ZNF546: variants seen among roughly 807,000 people sequenced by gnomAD.
The protein encoded by ZNF546 is CTC-471F3.6.
A neutral mutation model predicts 76.2 loss-of-function variants in ZNF546; 60 were observed. That is an observed-to-expected ratio of 0.79 (90% CI 0.64 to 0.98). ZNF546 has a LOEUF of 0.98. ZNF546 is among the 50% of genes least tolerant of loss of function. The probability of loss-of-function intolerance (pLI) is 0.00; values close to 1 mark genes in which losing one functional copy is unlikely to be tolerated. For synonymous variants in ZNF546, 277 were observed against 328.1 expected (o/e 0.84, Z 1.68); for missense variants, 936 against 1,035.6 (o/e 0.90, Z 1.32).
Position 40,014,135 on chromosome 19 carries a change from A to G in ZNF546, c.865A>G (p.Thr289Ala). ...GKAFRLHYHLTEHQRIHSGVK... is the reference protein window; with the variant it reads ...GKAFRLHYHLAEHQRIHSGVK... ...GGCCTTTAGACTTCATTATCACCTT[A>G]CTGAACATCAGAGAATACATTCTGG... The change falls in exon 7 of 7, where the codon ACT (threonine) becomes GCT (alanine). Residue 289 changes from threonine (T) to alanine (A), a missense_variant. Coordinates refer to ENST00000347077, the MANE Select transcript of ZNF546 (RefSeq NM_178544.5). 6.2e-7 allele frequency: 1 copy of G among 1,613,544 alleles called. No homozygotes were observed. Among genetic ancestry groups the G allele is most frequent in the Non-Finnish European group, 8.5e-7 (1 of 1,179,824 alleles).
chr19:40,004,881 A>G (rs1275589473), intron 3 of ZNF546, among the ~76,000 whole-genome samples: 1 of 152,048 alleles, frequency 6.6e-6, no homozygotes, highest in Non-Finnish European at 1.5e-5. Context: ...TGTTTCATAG[A>G]TGATCTGTAA....
In ZNF546 at chr19:39,998,427, C is replaced by T; in HGVS notation, c.84+17C>T. On this transcript the variant is annotated intron_variant, in intron 3 of 6. Coordinates refer to ENST00000347077, the MANE Select transcript of ZNF546 (RefSeq NM_178544.5). ...TCTATAATGGTAGAGAAATGCATAT[C>T]CTGGAGTCTAAAGTTAAAACTTTGT... is the stretch of plus-strand genomic sequence containing the variant. The T allele has an allele frequency of 6.3e-7, 1 of 1,597,292 alleles. No individual in the cohort carries two copies. The highest frequency in any genetic ancestry group is 1.7e-4 in the Middle Eastern group (1 of 6,044).
intron 3 of ZNF546, among the ~76,000 whole-genome samples, chr19:40,001,427 A>C (rs948779327): frequency 6.6e-6 from 1 of 151,442 alleles, no homozygotes; most frequent in African/African-American, 2.4e-5. Flanking sequence ...CTGTGGCTCA[A>C]TCTCAGCTCA....
Position 40,018,247 on chromosome 19 carries a change from G to A in ZNF546, c.*2466G>A, listed in dbSNP as rs977832223. The A allele has an allele frequency of 2.0e-5, 3 of 152,146 alleles. No individual in the cohort carries two copies. Among genetic ancestry groups the A allele is most frequent in the African/African-American group, 7.2e-5 (3 of 41,418 alleles). The allele number at this position is 152,146 out of a possible 1,614,324, so 9.4% of individuals were successfully genotyped here. A position where few individuals can be genotyped will look rare whatever the true frequency, so the allele number is the denominator to read the frequency against. ...AGCCTCCCAAAGTGCTGGGATTACA[G>A]GCATGAGCCACCGCACCCGGCCTTC... On this transcript the variant is annotated 3_prime_UTR_variant, in exon 7 of 7. Transcript: ENST00000347077.
Position 40,018,645 on chromosome 19 carries a change from A to G in ZNF546, c.*2864A>G, listed in dbSNP as rs542250458. 1.3e-5 allele frequency: 2 copies of G among 152,334 alleles called. No individual in the cohort carries two copies. Among genetic ancestry groups the G allele is most frequent in the South Asian group, 2.1e-4 (1 of 4,830 alleles). 9.4% of individuals were successfully genotyped at this position (152,334 alleles called of 1,614,324 possible). A position where few individuals can be genotyped will look rare whatever the true frequency, so the allele number is the denominator to read the frequency against. On this transcript the variant is annotated 3_prime_UTR_variant, in exon 7 of 7. Transcript: ENST00000347077. The stretch of plus-strand genomic sequence containing the variant: ...GAATAACACTGTGATTTCCACGACT[A>G]AGTCATAAAAGGCAATACAGCTTCT...
chr19:40,008,753 T>C (rs1668155984), intron 6 of ZNF546, among the ~76,000 whole-genome samples, 188 bp downstream of exon 6: 1 of 152,212 alleles, frequency 6.6e-6, no homozygotes, highest in African/African-American at 2.4e-5. Flanking sequence ...TTTACCCAAT[T>C]TGCCATACTC....
intron 6 of ZNF546, among the ~76,000 whole-genome samples, chr19:40,013,290 T>C (rs1568387665): frequency 6.6e-6 from 1 of 152,242 alleles, no homozygotes; most frequent in Non-Finnish European, 1.5e-5. Flanking sequence ...TTCCATTTTT[T>C]TAATGGTTGA....
chr19:40,004,327 G>T (rs1971574858), intron 3 of ZNF546, among the ~76,000 whole-genome samples: 1 of 151,734 alleles, frequency 6.6e-6, no homozygotes, highest in African/African-American at 2.4e-5. Context: ...GACTACAGTG[G>T]CACAGTCTCG....
chr19:40,000,741 A>G (rs1971519372), intron 3 of ZNF546, among the ~76,000 whole-genome samples: 2 of 152,070 alleles, frequency 1.3e-5, no homozygotes, highest in South Asian at 2.1e-4. Flanking sequence ...AAAATTATCT[A>G]TTGAATGCCT....
Position 40,013,981 on chromosome 19 carries a change from A to C in ZNF546, c.711A>C (p.Arg237Ser). The C allele has an allele frequency of 1.2e-6, 2 of 1,613,038 alleles. No individual in the cohort carries two copies. The highest frequency in any genetic ancestry group is 1.7e-6 in the Non-Finnish European group (2 of 1,179,372). Reference protein sequence around the residue: ...RQQSYLIQHLRIHTGERPYKC... With the variant: ...RQQSYLIQHLSIHTGERPYKC... ...AGTCATACCTTATTCAACATCTGAG[A>C]ATTCACACTGGTGAGAGACCCTATA... Residue 237 changes from arginine (R) to serine (S), a missense_variant, in exon 7 of 7, where the codon AGA (arginine) becomes AGC (serine). Coordinates refer to ENST00000347077, the MANE Select transcript of ZNF546 (RefSeq NM_178544.5).
chr19:40,019,393 A>C lies in ZNF546; in HGVS notation c.*3612A>C, dbSNP rs946449358. ...AAGAAACTAAGGGAAAAATAAGTCAATATAAGAAAGAAGGGAGGATCATTA... is the reference window on the plus strand; with the variant it reads ...AAGAAACTAAGGGAAAAATAAGTCACTATAAGAAAGAAGGGAGGATCATTA... On this transcript the variant is annotated 3_prime_UTR_variant, in exon 7 of 7. Coordinates refer to ENST00000347077, the MANE Select transcript of ZNF546 (RefSeq NM_178544.5). 5.3e-5 allele frequency: 8 copies of C among 152,224 alleles called. No homozygotes were observed. Among genetic ancestry groups the C allele is most frequent in the African/African-American group, 1.7e-4 (7 of 41,456 alleles). 9.4% of individuals were successfully genotyped at this position (152,224 alleles called of 1,614,324 possible).
chr19:39,997,062 T>C lies in ZNF546; in HGVS notation c.-230T>C, dbSNP rs975209450. 3 of 152,272 alleles carry C rather than the reference T, an allele frequency of 2.0e-5. No homozygotes were observed. Among genetic ancestry groups the C allele is most frequent in the South Asian group, 2.1e-4 (1 of 4,834 alleles). 9.4% of individuals were successfully genotyped at this position (152,272 alleles called of 1,614,324 possible). A position where few individuals can be genotyped will look rare whatever the true frequency, so the allele number is the denominator to read the frequency against. ...CATTTCCCAGAAGCCCCTTGGGCAG[T>C]GTTGCCTGGACCCCAAGGGCCCTTT... is the stretch of plus-strand genomic sequence containing the variant. On this transcript the variant is annotated 5_prime_UTR_variant, in exon 1 of 7. Coordinates refer to ENST00000347077, the MANE Select transcript of ZNF546 (RefSeq NM_178544.5).
chr19:40,005,621 T>C (rs998870251), intron 3 of ZNF546, among the ~76,000 whole-genome samples: 1 of 152,068 alleles, frequency 6.6e-6, no homozygotes, highest in African/African-American at 2.4e-5. Context: ...TGCTCATGCT[T>C]AAGTTTCATT....
rs1971771755 is a variant in ZNF546, at chr19:40,016,567, C to A, written c.*786C>A. 1 of 152,042 alleles carries A rather than the reference C, an allele frequency of 6.6e-6. No individual in the cohort carries two copies. Among genetic ancestry groups the A allele is most frequent in the Non-Finnish European group, 1.5e-5 (1 of 67,984 alleles). The allele number at this position is 152,042 out of a possible 1,614,324, so 9.4% of individuals were successfully genotyped here. On this transcript the variant is annotated 3_prime_UTR_variant, in exon 7 of 7. Transcript: ENST00000347077. ...TACCAGAAAAATGAAAAGAAAAAAACAGACATACAAAATAAAAGCCCCAGT... is the reference window on the plus strand; with the variant it reads ...TACCAGAAAAATGAAAAGAAAAAAAAAGACATACAAAATAAAAGCCCCAGT...
chr19:40,006,306 C>CTGAT, intron 4 of ZNF546, 124 bp downstream of exon 4: 4 of 676,752 alleles, frequency 5.9e-6, no homozygotes, highest in Admixed American at 2.9e-5. Flanking sequence ...CCTAGTTACT[C>CTGAT]CCTAGTTACA....
chr19:40,016,176 G>T lies in ZNF546; in HGVS notation c.*395G>T. ...CATGGCTTTAGTGAGCCATGATTGT[G>T]CCACTGCACTCCAGCTTGGTGACAG... On this transcript the variant is annotated 3_prime_UTR_variant, in exon 7 of 7. Transcript: ENST00000347077. 4.8e-6 allele frequency: 1 copy of T among 207,120 alleles called. No homozygotes were observed. The highest frequency in any genetic ancestry group is 9.8e-6 in the Non-Finnish European group (1 of 101,702). 12.8% of individuals were successfully genotyped at this position (207,120 alleles called of 1,614,324 possible).
intron 6 of ZNF546, among the ~76,000 whole-genome samples, chr19:40,013,049 A>G (rs1271134599): frequency 6.6e-6 from 1 of 151,964 alleles, no homozygotes; most frequent in Admixed American, 6.6e-5. Flanking sequence ...TCCTGACTTC[A>G]TGATCCACCT....
chr19:40,009,677 T>G (rs1472464686), intron 6 of ZNF546, among the ~76,000 whole-genome samples: 14 of 152,208 alleles, frequency 9.2e-5, no homozygotes, highest in Admixed American at 8.5e-4. Flanking sequence ...AGGTAAGCAC[T>G]GATCATCTCT....
chr19:40,004,023 TATATATAA>T (rs1415959535), intron 3 of ZNF546, among the ~76,000 whole-genome samples: 7 of 144,014 alleles, frequency 4.9e-5, no homozygotes, highest in South Asian at 4.3e-4. Flanking sequence ...AAAAAATATA[TATATATAA>T]ATATATAAAT....
Sources: gnomAD v4.1 joint callset for allele counts (sites outside exome capture counted in the v4.1 genomes callset) on GRCh38, gnomAD v4.1.1 for gene constraint, MANE v1.5 for transcripts, NCBI Gene and HGNC (gene_info 2026-07-23, HGNC 2026-07-21) for gene names.